ASTN2: variants seen among roughly 807,000 people sequenced by gnomAD.
ASTN2 encodes the protein astrotactin 2.
In ASTN2, 54 loss-of-function variants were observed where a neutral mutation model predicts 139.8. The observed-to-expected ratio is 0.39, with a 90% CI of 0.31 to 0.48. The LOEUF (loss-of-function observed/expected upper bound fraction) is 0.48. ASTN2 is among the 20% of genes least tolerant of loss of function. The pLI is 0.95. For synonymous variants in ASTN2, 756 were observed against 719.5 expected, an observed-to-expected ratio of 1.05 and a Z score of -0.81; for missense variants, 1,565 against 1,725.1, an observed-to-expected ratio of 0.91 and a Z score of 1.64.
At chr9:117,040,207 C>T (rs1838515958) in intron 5 of ASTN2, among the ~76,000 whole-genome samples, 1 of 152,128 alleles carries the variant, frequency 6.6e-6, no homozygotes, top group African/African-American at 2.4e-5. Flanking sequence ...ATAAAAGAAA[C>T]AGGCTTTCTG....
At position 116,730,649 on chromosome 9, in the gene ASTN2, C is replaced by T. The variant is rs1828751918; in HGVS notation, c.2522-1553G>A. ...AGGGACAAGGCAGTCTCTGCTCCTT[C>T]CATTACTGCTCATTCATGTTCAAAG... On this transcript the variant is annotated intron_variant, in intron 14 of 22. Coordinates refer to ENST00000313400, the MANE Select transcript of ASTN2 (RefSeq NM_001365068.1). Among the ~76,000 whole-genome samples the T allele has an allele frequency of 1.3e-5, 2 of 152,192 alleles. 1 individual carries two copies. The highest frequency in any genetic ancestry group is 1.3e-4 in the Admixed American group (2 of 15,284).
chr9:116,515,011 A>C (rs996334431), intron 19 of ASTN2, among the ~76,000 whole-genome samples: 1 of 152,046 alleles, frequency 6.6e-6, no homozygotes, highest in Non-Finnish European at 1.5e-5. Flanking sequence ...TCCTGCACCC[A>C]CTGTCCAACA....
intron 5 of ASTN2, among the ~76,000 whole-genome samples, chr9:117,071,569 C>T (rs1828127954): frequency 6.6e-6 from 1 of 150,738 alleles, no homozygotes; most frequent in Non-Finnish European, 1.5e-5. Flanking sequence ...GCTTTGTTTA[C>T]CTAAGCAAGC....
intron 3 of ASTN2, among the ~76,000 whole-genome samples, chr9:117,163,888 C>T (rs1416809319): frequency 6.6e-6 from 1 of 152,064 alleles, no homozygotes; most frequent in Non-Finnish European, 1.5e-5. Flanking sequence ...TTGAAAATGA[C>T]TTCCACACAG....
chr9:117,115,338 G>A (rs573725782), intron 4 of ASTN2, among the ~76,000 whole-genome samples: 1 of 152,060 alleles, frequency 6.6e-6, no homozygotes, highest in East Asian at 2.0e-4. Flanking sequence ...CCAACATGGT[G>A]AAACCCTGTC....
chr9:116,694,610 G>A (rs1295251797), intron 16 of ASTN2, among the ~76,000 whole-genome samples: 2 of 149,000 alleles, frequency 1.3e-5, no homozygotes, highest in African/African-American at 5.0e-5. Flanking sequence ...ACAGGCGCCT[G>A]CCACCACGCC....
chr9:117,021,999 C>T (rs1837898649), intron 6 of ASTN2, among the ~76,000 whole-genome samples: 2 of 152,106 alleles, frequency 1.3e-5, no homozygotes, highest in South Asian at 2.1e-4. Flanking sequence ...AAGACTCCTG[C>T]TTGAACAACA....
intron 2 of ASTN2, among the ~76,000 whole-genome samples, chr9:117,257,552 G>A (rs1833720033): frequency 6.6e-6 from 1 of 152,180 alleles, no homozygotes; most frequent in East Asian, 1.9e-4. Context: ...GAAATTGAAG[G>A]TGACCTCTAG....
At chr9:116,959,244 A>G (rs1358721752) in intron 10 of ASTN2, among the ~76,000 whole-genome samples, 3 of 152,180 alleles carry the variant, frequency 2.0e-5, no homozygotes, top group Non-Finnish European at 4.4e-5. Flanking sequence ...CTAATGGATG[A>G]GTAAAACGTA....
At chr9:116,704,879 T>A (rs1298314846) in intron 16 of ASTN2, among the ~76,000 whole-genome samples, 1 of 152,062 alleles carries the variant, frequency 6.6e-6, no homozygotes, top group Non-Finnish European at 1.5e-5. Context: ...TTTAAAGATT[T>A]TATATATATA....
chr9:117,275,567 T>TC (rs1834166809), intron 2 of ASTN2, among the ~76,000 whole-genome samples: 1 of 146,368 alleles, frequency 6.8e-6, no homozygotes, highest in Non-Finnish European at 1.5e-5. Context: ...TCTCCCTCTT[T>TC]TTTTTTTTTT....
chr9:116,874,512 G>A (rs1291834903), intron 10 of ASTN2, among the ~76,000 whole-genome samples: 1 of 152,138 alleles, frequency 6.6e-6, no homozygotes, highest in Non-Finnish European at 1.5e-5. Context: ...GAAAATGATT[G>A]TAATGTCTGT....
rs1298545243 is a variant in ASTN2 at position 116,691,243 on chromosome 9, G to T, written c.2806+34528C>A. ...CTTGATCCTTTAATCATAATCTCAT[G>T]ATTAAATGAACAGATGTTATATGCA... On this transcript the variant is annotated intron_variant, in intron 16 of 22. Coordinates refer to ENST00000313400, the MANE Select transcript of ASTN2 (RefSeq NM_001365068.1). Among the ~76,000 whole-genome samples, 4 of 152,078 alleles carry T rather than the reference G, an allele frequency of 2.6e-5. No homozygotes were observed. The South Asian group carries it at 8.3e-4, about 32-fold the overall frequency.
chr9:116,638,320 T>G (rs1357780556), intron 17 of ASTN2, among the ~76,000 whole-genome samples: 1 of 152,212 alleles, frequency 6.6e-6, no homozygotes, highest in Non-Finnish European at 1.5e-5. Flanking sequence ...TTAGGAATTA[T>G]TAGTAAACTC....
intron 2 of ASTN2, among the ~76,000 whole-genome samples, chr9:117,286,561 T>C (rs1056043056): frequency 2.0e-5 from 3 of 152,198 alleles, no homozygotes; most frequent in African/African-American, 7.2e-5. Flanking sequence ...AGTTTGCATA[T>C]GTAGATCACA....
At chr9:116,714,004 G>C (rs908686484) in intron 16 of ASTN2, among the ~76,000 whole-genome samples, 1 of 152,134 alleles carries the variant, frequency 6.6e-6, no homozygotes, top group African/African-American at 2.4e-5. Context: ...GACCTCACAG[G>C]GTTGTTATGA....
chr9:117,155,179 T>A lies in ASTN2; in HGVS notation c.1016-13701A>T. Reference sequence around the variant, plus strand: ...TATCCCATGGTAGATAATCCTGAATTGTCTTCTTCTTTTCCTTGTTTTGGC... The same window carrying A: ...TATCCCATGGTAGATAATCCTGAATAGTCTTCTTCTTTTCCTTGTTTTGGC... On this transcript the variant is annotated intron_variant, in intron 3 of 22. Transcript: ENST00000313400. Among the ~76,000 whole-genome samples, 2 of 152,160 alleles carry A rather than the reference T, an allele frequency of 1.3e-5. 1 individual carries two copies. Among genetic ancestry groups the A allele is most frequent in the African/African-American group, 4.8e-5 (2 of 41,552 alleles).
At chr9:117,270,605 A>C (rs1010616527) in intron 2 of ASTN2, among the ~76,000 whole-genome samples, 1 of 152,204 alleles carries the variant, frequency 6.6e-6, no homozygotes, top group African/African-American at 2.4e-5. Flanking sequence ...TACCTGGCAT[A>C]AGGATGTTTG....
intron 16 of ASTN2, among the ~76,000 whole-genome samples, chr9:116,694,065 C>G (rs1400843830): frequency 1.3e-5 from 2 of 152,164 alleles, no homozygotes; most frequent in African/African-American, 2.4e-5. Context: ...AGCATGGCAG[C>G]TTTGGGGCAG....
Sources: gnomAD v4.1 joint callset for allele counts (sites outside exome capture counted in the v4.1 genomes callset) on GRCh38, gnomAD v4.1.1 for gene constraint, MANE v1.5 for transcripts, NCBI Gene and HGNC (gene_info 2026-07-23, HGNC 2026-07-21) for gene names.